Variants in RNF123 observed in about 807,000 individuals in gnomAD.
The protein encoded by RNF123 is E3 ubiquitin-protein ligase RNF123.
A neutral mutation model predicts 168.5 loss-of-function variants in RNF123; 86 were observed. That is an observed-to-expected ratio of 0.51 (90% confidence interval 0.43 to 0.61). The LOEUF (loss-of-function observed/expected upper bound fraction) is 0.61. Ranked by LOEUF, RNF123 falls within the 20% of genes least tolerant of loss-of-function variation. The pLI is 0.00. For synonymous variants in RNF123, 666 were observed against 689.1 expected, an observed-to-expected ratio of 0.97 and a Z score of 0.52; for missense variants, 1,419 against 1,729.7, an observed-to-expected ratio of 0.82 and a Z score of 3.19.
At chr3:49,719,607 C>G in intron 35 of RNF123, 1 of 688,670 alleles carries the variant, frequency 1.5e-6, no homozygotes, top group Non-Finnish European at 2.4e-6. Flanking sequence ...CAGCCGACGG[C>G]CCCTACTCTC....
chr3:49,720,530 G>C lies in RNF123; in HGVS notation c.3520G>C (p.Val1174Leu). 2 of 1,601,052 alleles carry C rather than the reference G, an allele frequency of 1.2e-6. No homozygotes were observed. Among genetic ancestry groups the C allele is most frequent in the African/African-American group, 2.7e-5 (2 of 74,794 alleles). Reference sequence around the variant, plus strand: ...ACCTAGGAGAGAGCAAGCCACATCAGTGCTCCTGGCAGATCCCTGCTTCCA... The same window carrying C: ...ACCTAGGAGAGAGCAAGCCACATCACTGCTCCTGGCAGATCCCTGCTTCCA... The part of the protein sequence containing the change: ...PASEREQATS[V>L]LLADPCFQLR... The change falls in exon 36 of 39, where the codon GTG (valine) becomes CTG (leucine). Residue 1174 changes from valine to leucine, a missense_variant. By Grantham distance (32) the Val-to-Leu change is conservative. Transcript: ENST00000327697.
At chr3:49,716,274 C>T (rs1356759210) in intron 34 of RNF123, 97 bp downstream of exon 34, 2 of 1,553,014 alleles carry the variant, frequency 1.3e-6, no homozygotes, top group African/African-American at 1.4e-5. Context: ...CCCCGGACAG[C>T]CAGACTTGGT....
At position 49,701,755 on chromosome 3, in the gene RNF123, A is replaced by G. The variant is rs111400749; in HGVS notation, c.1396-56A>G. 1.3e-3 allele frequency: 1,912 copies of G among 1,512,720 alleles called. 27 individuals carry two copies. The African/African-American group carries it at 0.023, about 18-fold the overall frequency. The allele number at this position is 1,512,720 out of a possible 1,614,324, so 93.7% of individuals were successfully genotyped here. On this transcript the variant is annotated intron_variant, in intron 16 of 38. Coordinates refer to ENST00000327697, the MANE Select transcript of RNF123 (RefSeq NM_022064.5). ...GGAGTGTGGGTGTTCTGAGTGAAGG[A>G]GGCCTGGCTAGGTCCCAGGTGACCC...
intron 1 of RNF123, 30 bp from the exon 2 acceptor site, chr3:49,691,100 C>T (rs1159276767): frequency 6.6e-7 from 1 of 1,512,560 alleles, no homozygotes; most frequent in African/African-American, 1.4e-5. Flanking sequence ...CTGGCTGGCC[C>T]TGAGTAGACA....
chr3:49,705,871 C>T, intron 24 of RNF123, 111 bp from the exon 25 acceptor site: 1 of 1,455,696 alleles, frequency 6.9e-7, no homozygotes. Flanking sequence ...AATGGGACCG[C>T]CCTGGGCCTA....
intron 26 of RNF123, among the ~76,000 whole-genome samples, chr3:49,708,321 C>G (rs1167452238): frequency 6.6e-6 from 1 of 152,218 alleles, no homozygotes; most frequent in African/African-American, 2.4e-5. Flanking sequence ...CAGCCAATCT[C>G]CACACTCATT....
At position 49,700,214 on chromosome 3, in the gene RNF123, G is replaced by A; in HGVS notation, c.985-13G>A. ...GAAGGCCACCACCTCACCAGTGCCT[G>A]GCCTTGGTGCAGCGCAAGGTGTATC... is the stretch of plus-strand genomic sequence containing the variant. On this transcript the variant is annotated splice_polypyrimidine_tract_variant and intron_variant, in intron 12 of 38. Coordinates refer to ENST00000327697, the MANE Select transcript of RNF123 (RefSeq NM_022064.5). 6.2e-7 allele frequency: 1 copy of A among 1,613,974 alleles called. No homozygotes were observed. Among genetic ancestry groups the A allele is most frequent in the Non-Finnish European group, 8.5e-7 (1 of 1,179,994 alleles).
Position 49,700,192 on chromosome 3 carries a change from G to C in RNF123, c.985-35G>C, listed in dbSNP as rs750655381. On this transcript the variant is annotated intron_variant, in intron 12 of 38. Coordinates refer to ENST00000327697, the MANE Select transcript of RNF123 (RefSeq NM_022064.5). ...CAGGGGTGCCTTGACCAGAGTGGAA[G>C]GCCACCACCTCACCAGTGCCTGGCC... The C allele has an allele frequency of 2.5e-6, 4 of 1,612,178 alleles. No individual in the cohort carries two copies. The South Asian group carries it at 3.3e-5, about 13-fold the overall frequency.
At chr3:49,702,840 G>GAGGCTGT (rs2108186326) in intron 20 of RNF123, 87 bp downstream of exon 20, 2 of 1,578,996 alleles carry the variant, frequency 1.3e-6, no homozygotes, top group East Asian at 2.3e-5. Context: ...GTGCTGAGCT[G>GAGGCTGT]AGGCTGTGGG....
Position 49,702,065 on chromosome 3 carries a change from T to C in RNF123, c.1496-18T>C. On this transcript the variant is annotated intron_variant, in intron 17 of 38. Transcript: ENST00000327697. ...ATCTCCTGGAGCCTGAGGGCCATGTTCCTCACCTGACCTCCAGTGGTGGAA... is the reference window on the plus strand; with the variant it reads ...ATCTCCTGGAGCCTGAGGGCCATGTCCCTCACCTGACCTCCAGTGGTGGAA... 1 of 1,612,942 alleles carries C rather than the reference T, an allele frequency of 6.2e-7. No individual in the cohort carries two copies. Among genetic ancestry groups the C allele is most frequent in the Non-Finnish European group, 8.5e-7 (1 of 1,179,238 alleles).
At chr3:49,717,932 TG>T in intron 35 of RNF123, 1 of 1,587,834 alleles carries the variant, frequency 6.3e-7, no homozygotes, top group Non-Finnish European at 8.6e-7. Flanking sequence ...GGGGCCTGGG[TG>T]GGGGAGCCCT....
intron 20 of RNF123, among the ~76,000 whole-genome samples, chr3:49,703,035 C>T (rs1213935789): frequency 1.3e-5 from 2 of 152,200 alleles, no homozygotes; most frequent in Non-Finnish European, 2.9e-5. Flanking sequence ...TTTCTCTGTG[C>T]GTCCTTTATA....
intron 35 of RNF123, chr3:49,718,091 G>T (rs765789175): frequency 6.2e-7 from 1 of 1,613,566 alleles, no homozygotes; most frequent in Non-Finnish European, 8.5e-7. Flanking sequence ...CTCCGGCCTG[G>T]CTCCAGAAAG....
rs1575289024 is a variant in RNF123, at chr3:49,719,834, A to G, written c.3501-677A>G. ...CAGATGGGGAGCAAGGCCAACCCCA[A>G]AGTCCCCGTCAGCCTTTGGCTGGCA... On this transcript the variant is annotated intron_variant, in intron 35 of 38. Transcript: ENST00000327697. The G allele has an allele frequency of 2.7e-5, 6 of 226,334 alleles. No homozygotes were observed. The East Asian group carries it at 6.7e-4, about 25-fold the overall frequency. The allele number at this position is 226,334 out of a possible 1,614,324, so 14.0% of individuals were successfully genotyped here.
Position 49,700,630 on chromosome 3 carries a change from C to T in RNF123, c.1204-6C>T, listed in dbSNP as rs185433400. 684 of 1,614,212 alleles carry T rather than the reference C, an allele frequency of 4.2e-4. 4 individuals are homozygous for T. Among genetic ancestry groups the T allele is most frequent in the Middle Eastern group, 2.6e-3 (16 of 6,062 alleles). ...CCTGTCCACTCTGAACGCCCCCTCTCCACAGATCCATTACCTGCGGCTCAC... is the reference window on the plus strand; with the variant it reads ...CCTGTCCACTCTGAACGCCCCCTCTTCACAGATCCATTACCTGCGGCTCAC... On this transcript the variant is annotated splice_region_variant and splice_polypyrimidine_tract_variant and intron_variant, in intron 14 of 38. Coordinates refer to ENST00000327697, the MANE Select transcript of RNF123 (RefSeq NM_022064.5).
chr3:49,701,532 G>C lies in RNF123; in HGVS notation c.1319G>C (p.Ser440Thr). The C allele has an allele frequency of 6.2e-7, 1 of 1,613,770 alleles. No homozygotes were observed. Among genetic ancestry groups the C allele is most frequent in the Non-Finnish European group, 8.5e-7 (1 of 1,179,988 alleles). ...LRSVVFFYIKSPLRVEEAGLQ... is the reference protein window; with the variant it reads ...LRSVVFFYIKTPLRVEEAGLQ... ...TCCGTCGTCTTCTTTTACATCAAGAGCCCCCTGCGTGTGGAGGAGGCCGGC... is the reference window on the plus strand; with the variant it reads ...TCCGTCGTCTTCTTTTACATCAAGACCCCCCTGCGTGTGGAGGAGGCCGGC... Residue 440 changes from serine to threonine, a missense_variant, in exon 16 of 39, where the codon AGC (serine) becomes ACC (threonine). Around this residue, in one of 5 missense-constraint regions of RNF123, gnomAD observed 349 missense variants for 344.9 expected, o/e 1.01. Transcript: ENST00000327697.
chr3:49,709,426 G>A (rs534862356), intron 26 of RNF123, among the ~76,000 whole-genome samples: 3 of 151,800 alleles, frequency 2.0e-5, no homozygotes, highest in South Asian at 2.1e-4. Context: ...TCAGCCTCCC[G>A]AGTAGCTGGG....
In RNF123 at chr3:49,699,791, G is replaced by A. The variant is rs773023312; in HGVS notation, c.984+19G>A. On this transcript the variant is annotated intron_variant, in intron 12 of 38. Transcript: ENST00000327697. The surrounding 1 kb of genome is among the most constrained non-coding windows in gnomAD (Gnocchi z 4.8). ...GCTTCTGGTGAGCGGCATTGGGAGG[G>A]GCATGGGAGGGGAGGAGACAGGCCA... is the stretch of plus-strand genomic sequence containing the variant. The A allele has an allele frequency of 6.2e-7, 1 of 1,608,150 alleles. No individual in the cohort carries two copies. Among genetic ancestry groups the A allele is most frequent in the Non-Finnish European group, 8.5e-7 (1 of 1,175,926 alleles).
At chr3:49,719,692 G>C (rs1329620697) in intron 35 of RNF123, 1 of 515,724 alleles carries the variant, frequency 1.9e-6, no homozygotes, top group African/African-American at 2.0e-5. Flanking sequence ...CTCCAAGCGA[G>C]TTCCTGATCG....
Sources: allele counts gnomAD v4.1 joint callset (sites outside exome capture counted in the v4.1 genomes callset), GRCh38; gene constraint gnomAD v4.1.1; regional missense constraint gnomAD v4.1.1; non-coding constraint Gnocchi (gnomAD v3.1); transcripts MANE v1.5; gene names NCBI Gene and HGNC (gene_info 2026-07-23, HGNC 2026-07-21).